The following CEP57L1 variants were observed in gnomAD, a reference collection of about 807,000 sequenced individuals.
CEP57L1 encodes the protein centrosomal protein CEP57L1.
A neutral mutation model predicts 61.0 loss-of-function variants in CEP57L1; 37 were observed. The observed-to-expected ratio is 0.61, with a 90% CI of 0.47 to 0.80. The LOEUF (loss-of-function observed/expected upper bound fraction) is 0.80. Among genes scored for constraint, CEP57L1 ranks in the 30% least tolerant of loss-of-function variants. The pLI is 0.00. For missense variants in CEP57L1, 422 were observed against 524.7 expected (o/e 0.80, Z 1.91); for synonymous variants, 137 against 162.3 (o/e 0.84, Z 1.19).
chr6:109,138,791 C>T (rs935986913), intron 1 of CEP57L1, among the ~76,000 whole-genome samples: 1 of 152,150 alleles, frequency 6.6e-6, no homozygotes, highest in Non-Finnish European at 1.5e-5. Context: ...ACAATAGTCC[C>T]CCCTTGTCCA....
At chr6:109,145,456 T>A in intron 2 of CEP57L1, 75 bp downstream of exon 2, 2 of 966,380 alleles carry the variant, frequency 2.1e-6, no homozygotes. Context: ...TGGAATACAA[T>A]ATGATTGCAT....
Position 109,123,906 on chromosome 6 carries a change from T to TA in CEP57L1, c.-3-21306dup, listed in dbSNP as rs569570005. 3.3e-5 allele frequency among the ~76,000 whole-genome samples: 5 copies of TA among 151,764 alleles called. No homozygotes were observed. The East Asian group carries it at 5.8e-4, about 18-fold the overall frequency. ...CAACATGGCGAAACCCCGTCTTTAT[T>TA]AAAAAAATACAAAAATTAGCCAGGC... On this transcript the variant is annotated intron_variant, in intron 1 of 10. Transcript: ENST00000517392.
rs557844549 is a variant in CEP57L1, at chr6:109,136,700, T to TTTTTATTTTATTTTA, written c.-3-8470_-3-8456dup. The stretch of plus-strand genomic sequence containing the variant: ...AAAGAAGTCTGCTCTGAAACTTGTA[T>TTTTTATTTTATTTTA]TTTTATTTTATTTTATTTTATTTTA... On this transcript the variant is annotated intron_variant, in intron 1 of 10. Coordinates refer to ENST00000517392, the MANE Select transcript of CEP57L1 (RefSeq NM_001271852.3). 7.6e-3 allele frequency among the ~76,000 whole-genome samples: 885 copies of TTTTTATTTTATTTTA among 115,808 alleles called. 10 individuals carry two copies. Among genetic ancestry groups the TTTTTATTTTATTTTA allele is most frequent in the African/African-American group, 0.02 (548 of 28,090 alleles). The allele number at this position is 115,808 out of a possible 152,430, so 76.0% of individuals were successfully genotyped here.
chr6:109,126,322 C>G (rs1252554029), intron 1 of CEP57L1, among the ~76,000 whole-genome samples: 1 of 152,102 alleles, frequency 6.6e-6, no homozygotes, highest in East Asian at 1.9e-4. Flanking sequence ...TGCTTTCTAC[C>G]TCTTTGGAAG....
At chr6:109,155,405 C>T (rs914671461) in intron 6 of CEP57L1, 98 bp downstream of exon 6, 2 of 637,926 alleles carry the variant, frequency 3.1e-6, no homozygotes, top group Non-Finnish European at 2.5e-6. Flanking sequence ...ATTCTAATTT[C>T]TGCTTCCTAA....
intron 9 of CEP57L1, among the ~76,000 whole-genome samples, chr6:109,160,029 G>A (rs1773580506): frequency 6.6e-6 from 1 of 152,180 alleles, no homozygotes; most frequent in Non-Finnish European, 1.5e-5. Flanking sequence ...TAGTAAAGAA[G>A]ATTTCCATAT....
chr6:109,152,613 A>G (rs112572590), intron 4 of CEP57L1, among the ~76,000 whole-genome samples: 10 of 151,232 alleles, frequency 6.6e-5, no homozygotes, highest in Admixed American at 2.0e-4. Context: ...ATGCCACTAC[A>G]AAATAGCATA....
intron 1 of CEP57L1, among the ~76,000 whole-genome samples, chr6:109,141,103 T>G (rs537337900): frequency 2.0e-5 from 3 of 149,428 alleles, no homozygotes; most frequent in African/African-American, 7.4e-5. Context: ...GTGCTGGGAT[T>G]ACAGACATGA....
At position 109,095,584 on chromosome 6, in the gene CEP57L1, T is replaced by C. The variant is rs144928218; in HGVS notation, c.-4+9T>C. 1.9e-3 allele frequency: 1,889 copies of C among 985,800 alleles called. 40 individuals carry two copies. In the African/African-American group the frequency reaches 0.031, roughly 16 times the overall value. The allele number at this position is 985,800 out of a possible 1,614,324, so 61.1% of individuals were successfully genotyped here. On this transcript the variant is annotated intron_variant, in intron 1 of 10. Coordinates refer to ENST00000517392, the MANE Select transcript of CEP57L1 (RefSeq NM_001271852.3). ...CTGAGAGCGTCTGCTTGGTAAGCAC[T>C]GTAAGCTGGGTTGTCACCTTTCCTT...
chr6:109,105,197 T>C (rs1344802454), intron 1 of CEP57L1, among the ~76,000 whole-genome samples: 2 of 152,110 alleles, frequency 1.3e-5, no homozygotes, highest in Non-Finnish European at 2.9e-5. Context: ...AATTTTTATA[T>C]AGTTTTATCA....
At chr6:109,132,046 T>C (rs1774256795) in intron 1 of CEP57L1, among the ~76,000 whole-genome samples, 1 of 152,190 alleles carries the variant, frequency 6.6e-6, no homozygotes, top group African/African-American at 2.4e-5. Context: ...ACAAAAAGAA[T>C]CTTTCCTGAG....
chr6:109,155,720 A>G (rs1331739768), intron 6 of CEP57L1, 71 bp from the exon 7 acceptor site: 1 of 750,978 alleles, frequency 1.3e-6, no homozygotes, highest in Non-Finnish European at 2.2e-6. Flanking sequence ...ATAAACTTAG[A>G]CCTGATATCT....
intron 1 of CEP57L1, among the ~76,000 whole-genome samples, chr6:109,102,597 C>A (rs1006809573): frequency 2.0e-5 from 3 of 151,998 alleles, no homozygotes; most frequent in Non-Finnish European, 2.9e-5. Flanking sequence ...CTCCTGTCTT[C>A]CAGAACTTTT....
rs376212942 is a variant in CEP57L1 at position 109,168,493 on chromosome 6, T to G, written c.*5523T>G. On this transcript the variant is annotated 3_prime_UTR_variant, in exon 11 of 11. Transcript: ENST00000517392. ...CTTAAGCCACTCAATTTCTGCATAC[T>G]TCAGCCTCCTCATTGGTTGGATCCA... is the stretch of plus-strand genomic sequence containing the variant. 6.6e-6 allele frequency among the ~76,000 whole-genome samples: 1 copy of G among 152,318 alleles called. No individual in the cohort carries two copies. Among genetic ancestry groups the G allele is most frequent in the Middle Eastern group, 3.4e-3 (1 of 294 alleles).
At chr6:109,159,195 T>G in intron 8 of CEP57L1, 74 bp from the exon 9 acceptor site, 1 of 1,613,668 alleles carries the variant, frequency 6.2e-7, no homozygotes, top group Non-Finnish European at 8.5e-7. Context: ...AAAATTATTC[T>G]CAGTTGTTTC....
rs1175876736 is a variant in CEP57L1, at chr6:109,171,902, A to G, written c.*8932A>G. ...GGCTCAAGGTTTCATTTACATGGGA[A>G]ATGAGAACTAGACAGTGTGGTGACT... On this transcript the variant is annotated 3_prime_UTR_variant, in exon 11 of 11. Coordinates refer to ENST00000517392, the MANE Select transcript of CEP57L1 (RefSeq NM_001271852.3). Among the ~76,000 whole-genome samples the G allele has an allele frequency of 6.6e-6, 1 of 152,138 alleles. No homozygotes were observed. Among genetic ancestry groups the G allele is most frequent in the African/African-American group, 2.4e-5 (1 of 41,430 alleles).
chr6:109,104,973 G>T (rs1232643042), intron 1 of CEP57L1, among the ~76,000 whole-genome samples: 1 of 152,126 alleles, frequency 6.6e-6, no homozygotes, highest in Non-Finnish European at 1.5e-5. Flanking sequence ...CCTGATCAAT[G>T]AAGTAGAACG....
At chr6:109,157,541 T>C (rs1036021731) in intron 7 of CEP57L1, 1 of 152,192 alleles carries the variant, frequency 6.6e-6, no homozygotes, top group Non-Finnish European at 1.5e-5. Flanking sequence ...AAAGGAAGCC[T>C]TGAAGAATTA....
Position 109,160,577 on chromosome 6 carries a change from A to G in CEP57L1, c.1022A>G (p.His341Arg). 1.9e-6 allele frequency: 3 copies of G among 1,603,888 alleles called. No homozygotes were observed. The highest frequency in any genetic ancestry group is 2.6e-6 in the Non-Finnish European group (3 of 1,175,694). The part of the protein sequence containing the change: ...QDELDQMSME[H>R]QELLKQMKET... ...TATTTGCTATTCTTTCATAGGGAGC[A>G]CCAAGAACTACTGAAACAAATGAAG... Residue 341 changes from histidine to arginine, a missense_variant, in exon 10 of 11, where the codon CAC becomes CGC. His to Arg is a conservative substitution (Grantham distance 29). Transcript: ENST00000517392.
Sources: gnomAD v4.1 joint callset for allele counts (sites outside exome capture counted in the v4.1 genomes callset) on GRCh38, gnomAD v4.1.1 for gene constraint, MANE v1.5 for transcripts, NCBI Gene and HGNC (gene_info 2026-07-23, HGNC 2026-07-21) for gene names.